BIN3: variants seen among roughly 807,000 people sequenced by gnomAD.
BIN3 encodes bridging integrator 3.
Under a neutral mutation model 38.2 loss-of-function variants are expected in BIN3, and 41 were observed. That is an observed-to-expected ratio of 1.07 (90% confidence interval 0.84 to 1.39). The LOEUF (loss-of-function observed/expected upper bound fraction) is 1.39, where lower values mean the gene tolerates loss of function less well. Ranked by LOEUF, BIN3 falls within the 40% of genes most tolerant of loss-of-function variation. The probability of loss-of-function intolerance (pLI) is 0.00; values close to 1 mark genes in which losing one functional copy is unlikely to be tolerated. For missense variants in BIN3, 361 were observed against 324.3 expected, an observed-to-expected ratio of 1.11 and a Z score of -0.87; for synonymous variants, 145 against 122.6, an observed-to-expected ratio of 1.18 and a Z score of -1.21.
At chr8:22,646,201 G>C (rs1802709230) in intron 1 of BIN3, among the ~76,000 whole-genome samples, 1 of 152,208 alleles carries the variant, frequency 6.6e-6, no homozygotes, top group Non-Finnish European at 1.5e-5. Flanking sequence ...GGCCAGGCTA[G>C]AAAGTGCATC....
chr8:22,667,060 C>G lies in BIN3; in HGVS notation c.8+1984G>C, dbSNP rs139077941. ...CGGTGCTGTTCCCGTCTTTGAGAGA[C>G]AGGGTCAGGGTCCACGCAAGAGATG... On this transcript the variant is annotated intron_variant, in intron 1 of 8. Coordinates refer to ENST00000276416, the MANE Select transcript of BIN3 (RefSeq NM_018688.6). 5.5e-3 allele frequency among the ~76,000 whole-genome samples: 845 copies of G among 152,310 alleles called. 9 individuals carry two copies. The highest frequency in any genetic ancestry group is 0.02 in the African/African-American group (814 of 41,548).
chr8:22,660,753 C>T (rs1189578143), intron 1 of BIN3, among the ~76,000 whole-genome samples: 3 of 152,166 alleles, frequency 2.0e-5, no homozygotes, highest in Non-Finnish European at 2.9e-5. Flanking sequence ...CTCATGTATC[C>T]ACCACTTGGC....
chr8:22,665,162 G>C (rs1198493541), intron 1 of BIN3, among the ~76,000 whole-genome samples: 4 of 152,184 alleles, frequency 2.6e-5, no homozygotes, highest in Non-Finnish European at 5.9e-5. Context: ...AGGATCAGAA[G>C]GAGTGGGGAG....
chr8:22,633,918 T>G (rs149722561), intron 4 of BIN3, among the ~76,000 whole-genome samples: 3 of 152,342 alleles, frequency 2.0e-5, no homozygotes, highest in Non-Finnish European at 4.4e-5. Context: ...CCACATCCAT[T>G]CCTGACTGAG....
chr8:22,648,143 A>C (rs944561802), intron 1 of BIN3, among the ~76,000 whole-genome samples: 5 of 151,718 alleles, frequency 3.3e-5, no homozygotes, highest in African/African-American at 1.2e-4. Context: ...TCTCAAAAAA[A>C]AAAAAAAAAA....
intron 2 of BIN3, 40 bp downstream of exon 2, chr8:22,644,715 A>G (rs1802661032): frequency 6.3e-7 from 1 of 1,594,676 alleles, no homozygotes; most frequent in African/African-American, 1.3e-5. Context: ...GCCATGTGAT[A>G]CAGAACTGAA....
chr8:22,638,256 T>C (rs545009078), intron 2 of BIN3, among the ~76,000 whole-genome samples: 94 of 152,288 alleles, frequency 6.2e-4, no homozygotes, highest in African/African-American at 2.3e-3. Context: ...CACTCCACGT[T>C]TGGATTTAGA....
chr8:22,648,801 T>C (rs1449584614), intron 1 of BIN3, among the ~76,000 whole-genome samples: 1 of 152,244 alleles, frequency 6.6e-6, no homozygotes, highest in Non-Finnish European at 1.5e-5. Flanking sequence ...GGTTATAATC[T>C]AATACATTAT....
intron 2 of BIN3, among the ~76,000 whole-genome samples, chr8:22,637,228 G>A (rs902150793): frequency 4.6e-5 from 7 of 152,182 alleles, no homozygotes; most frequent in African/African-American, 1.7e-4. Flanking sequence ...CTTCCCAGCT[G>A]GGAGCAAGGC....
At chr8:22,627,098 C>T (rs1802029634) in intron 6 of BIN3, among the ~76,000 whole-genome samples, 1 of 152,354 alleles carries the variant, frequency 6.6e-6, no homozygotes, top group East Asian at 1.9e-4. Flanking sequence ...TGAAAACCTC[C>T]GTTTCCCATG....
At chr8:22,654,380 T>C (rs1802995388) in intron 1 of BIN3, among the ~76,000 whole-genome samples, 1 of 152,236 alleles carries the variant, frequency 6.6e-6, no homozygotes, top group South Asian at 2.1e-4. Flanking sequence ...TTTTAAAGTG[T>C]ACAATTTGGG....
chr8:22,659,454 C>A (rs936272244), intron 1 of BIN3, among the ~76,000 whole-genome samples: 3 of 152,218 alleles, frequency 2.0e-5, no homozygotes, highest in African/African-American at 7.2e-5. Context: ...TGTGATCCCT[C>A]CTTCCCCACC....
At chr8:22,660,355 C>T (rs1475571495) in intron 1 of BIN3, among the ~76,000 whole-genome samples, 2 of 152,270 alleles carry the variant, frequency 1.3e-5, no homozygotes, top group African/African-American at 4.8e-5. Context: ...CTCTACTGGC[C>T]TCATCTCCAT....
chr8:22,640,789 G>C (rs150607505), intron 2 of BIN3, among the ~76,000 whole-genome samples: 2 of 151,596 alleles, frequency 1.3e-5, no homozygotes, highest in African/African-American at 2.4e-5. Context: ...GACTTGTACC[G>C]GGAGGGACTT....
At chr8:22,625,504 G>A (rs1241243480) in intron 6 of BIN3, 2 of 679,286 alleles carry the variant, frequency 2.9e-6, no homozygotes, top group Non-Finnish European at 5.4e-6. Flanking sequence ...AGAGTTGAGA[G>A]GATGCTGGCA....
chr8:22,656,711 T>G (rs538137171), intron 1 of BIN3, among the ~76,000 whole-genome samples: 1 of 152,238 alleles, frequency 6.6e-6, no homozygotes, highest in South Asian at 2.1e-4. Flanking sequence ...TAAGAAAATA[T>G]CTTTCTGTTC....
chr8:22,658,420 T>C (rs1392405885), intron 1 of BIN3, among the ~76,000 whole-genome samples: 1 of 152,262 alleles, frequency 6.6e-6, no homozygotes, highest in Admixed American at 6.5e-5. Context: ...ATGATGCCAG[T>C]TGGCTAATTC....
At chr8:22,661,268 A>G (rs541393714) in intron 1 of BIN3, among the ~76,000 whole-genome samples, 1 of 150,410 alleles carries the variant, frequency 6.6e-6, no homozygotes, top group Admixed American at 6.6e-5. Context: ...CTTTTACTGT[A>G]TAAGTTTAAG....
At chr8:22,634,495 T>C (rs1174812631) in intron 4 of BIN3, 6 of 456,206 alleles carry the variant, frequency 1.3e-5, no homozygotes, top group Non-Finnish European at 2.6e-5. Context: ...AAGGTGTGTT[T>C]ACACATCAGT....
Sources: gnomAD v4.1 joint callset for allele counts (sites outside exome capture counted in the v4.1 genomes callset) on GRCh38, gnomAD v4.1.1 for gene constraint, MANE v1.5 for transcripts, NCBI Gene and HGNC (gene_info 2026-07-23, HGNC 2026-07-21) for gene names.